PCDHA4: variants seen among roughly 807,000 people sequenced by gnomAD.
PCDHA4 encodes the protein protocadherin alpha-4.
In PCDHA4, 49 loss-of-function variants were observed where a neutral mutation model predicts 61.4. The observed-to-expected ratio is 0.80, with a 90% CI of 0.63 to 1.01. PCDHA4 has a LOEUF of 1.01. Among genes scored for constraint, PCDHA4 ranks in the 50% least tolerant of loss-of-function variants. The pLI is 0.00. For missense variants in PCDHA4, 1,254 were observed against 1,235.8 expected (o/e 1.01, Z -0.22); for synonymous variants, 590 against 550.3 (o/e 1.07, Z -1.01).
At chr5:140,828,675 T>C in intron 1 of PCDHA4, 13 of 1,614,212 alleles carry the variant, frequency 8.1e-6, no homozygotes, top group Non-Finnish European at 9.3e-6. Flanking sequence ...ATTGGGCTCT[T>C]ATTAAAGAAA....
intron 1 of PCDHA4, among the ~76,000 whole-genome samples, chr5:140,932,387 T>C (rs1419863335): frequency 6.6e-6 from 1 of 151,960 alleles, no homozygotes; most frequent in Non-Finnish European, 1.5e-5. Context: ...AAGTTATACA[T>C]AGTTTCAACA....
intron 1 of PCDHA4, chr5:140,968,527 G>T: frequency 3.1e-6 from 5 of 1,614,142 alleles, no homozygotes; most frequent in Non-Finnish European, 4.2e-6. Flanking sequence ...CAACCAACTC[G>T]TCAGCAGCCT....
chr5:140,886,158 C>A (rs888588847), intron 1 of PCDHA4, among the ~76,000 whole-genome samples: 2 of 152,142 alleles, frequency 1.3e-5, no homozygotes, highest in South Asian at 4.1e-4. Context: ...CTTTTTATAG[C>A]CACATCTGCT....
At position 140,970,091 on chromosome 5, in the gene PCDHA4, G is replaced by A. The variant is rs542039822; in HGVS notation, c.2386-8858G>A. ...AATGAGTGGATTAGGGGTGTGGGGG[G>A]ATGGTGAAGACCAAGAGAAGCTGGG... On this transcript the variant is annotated intron_variant, in intron 1 of 3. Coordinates refer to ENST00000530339, the MANE Select transcript of PCDHA4 (RefSeq NM_018907.4). 3.9e-4 allele frequency among the ~76,000 whole-genome samples: 59 copies of A among 152,258 alleles called. 1 individual carries two copies. Among genetic ancestry groups the A allele is most frequent in the Admixed American group, 1.1e-3 (17 of 15,292 alleles).
chr5:140,863,288 A>G, intron 1 of PCDHA4: 1 of 1,462,142 alleles, frequency 6.8e-7, no homozygotes, highest in South Asian at 1.1e-5. Context: ...GTCAACGTGT[A>G]CCTGATCATC....
rs201652283 is a variant in PCDHA4, at chr5:141,009,916, G to A, written c.2823G>A (p.Thr941=). The A allele has an allele frequency of 4.3e-6, 7 of 1,611,506 alleles. No homozygotes were observed. The highest frequency in any genetic ancestry group is 2.2e-5 in the East Asian group (1 of 44,862). ...TQEKKEKGNS[T]TDNSDQ is the part of the protein sequence containing the mutation. The stretch of plus-strand genomic sequence containing the variant: ...AGAAAAAAGAGAAAGGGAACAGCAC[G>A]ACTGACAACAGTGACCAGTGAGGTC... Residue 941 remains threonine (T), a synonymous_variant, in exon 4 of 4, where the codon ACG becomes ACA. Coordinates refer to ENST00000530339, the MANE Select transcript of PCDHA4 (RefSeq NM_018907.4).
intron 1 of PCDHA4, chr5:140,852,575 CTTT>C (rs1395261617): frequency 1.3e-6 from 1 of 799,030 alleles, no homozygotes. Context: ...TGTGCCAAGG[CTTT>C]TTTATTTTTT....
rs1554124867 is a variant in PCDHA4 at position 140,808,886 on chromosome 5, G to A, written c.1699G>A (p.Ala567Thr). 1 of 1,613,208 alleles carries A rather than the reference G, an allele frequency of 6.2e-7. No individual in the cohort carries two copies. Among genetic ancestry groups the A allele is most frequent in the Non-Finnish European group, 8.5e-7 (1 of 1,179,894 alleles). ...DENDNAPALLAPRAGGTGGAV... is the reference protein window; with the variant it reads ...DENDNAPALLTPRAGGTGGAV... ...AAACGACAACGCGCCAGCACTGCTA[G>A]CGCCTCGGGCGGGTGGCACTGGTGG... The change falls in exon 1 of 4, where the codon GCG becomes ACG. Residue 567 changes from alanine to threonine, a missense_variant. Ala to Thr is a moderately conservative substitution (Grantham distance 58, BLOSUM62 0). Coordinates refer to ENST00000530339, the MANE Select transcript of PCDHA4 (RefSeq NM_018907.4).
intron 1 of PCDHA4, among the ~76,000 whole-genome samples, chr5:140,955,118 G>C (rs2095139401): frequency 6.6e-6 from 1 of 152,058 alleles, no homozygotes; most frequent in African/African-American, 2.4e-5. Flanking sequence ...TCTCTATTCT[G>C]TTCCACTGGT....
chr5:140,942,310 C>T (rs782391809), intron 1 of PCDHA4, among the ~76,000 whole-genome samples: 14 of 151,402 alleles, frequency 9.2e-5, no homozygotes, highest in East Asian at 1.9e-4. Flanking sequence ...CTTGGGAGGT[C>T]GAGGCACAAG....
At position 140,993,462 on chromosome 5, in the gene PCDHA4, T is replaced by TCACACACACA. The variant is rs3836747; in HGVS notation, c.2533+10937_2533+10946dup. On this transcript the variant is annotated intron_variant, in intron 3 of 3. Coordinates refer to ENST00000530339, the MANE Select transcript of PCDHA4 (RefSeq NM_018907.4). Reference sequence around the variant, plus strand: ...CATTCCTGTTCTCCTTCTTTCTTTCTCACACACACACACACACACACACAC... The same window carrying TCACACACACA: ...CATTCCTGTTCTCCTTCTTTCTTTCTCACACACACACACACACACACACACACACACACAC... Among the ~76,000 whole-genome samples, 267 of 141,038 alleles carry TCACACACACA rather than the reference T, an allele frequency of 1.9e-3. 2 individuals are homozygous for TCACACACACA. The highest frequency in any genetic ancestry group is 2.7e-3 in the Non-Finnish European group (175 of 64,694). The allele number at this position is 141,038 out of a possible 152,430, so 92.5% of individuals were successfully genotyped here.
At chr5:140,928,204 G>A (rs1554205615) in intron 1 of PCDHA4, 4 of 1,614,236 alleles carry the variant, frequency 2.5e-6, no homozygotes, top group Middle Eastern at 1.6e-4. Flanking sequence ...AGTTGCTGAT[G>A]TGAATGACAA....
chr5:140,828,876 T>C (rs1554131616), intron 1 of PCDHA4: 4 of 1,614,116 alleles, frequency 2.5e-6, no homozygotes, highest in African/African-American at 2.7e-5. Flanking sequence ...ACAACAGTTA[T>C]CAGACTGAAT....
intron 1 of PCDHA4, chr5:140,863,088 C>T: frequency 1.7e-6 from 1 of 574,660 alleles, no homozygotes; most frequent in Non-Finnish European, 3.4e-6. Flanking sequence ...GCGAGATCAG[C>T]ACGACGAGTA....
In PCDHA4 at chr5:140,807,613, C is replaced by A. The variant is rs1384362568; in HGVS notation, c.426C>A (p.Ile142=). 1.2e-6 allele frequency: 2 copies of A among 1,614,064 alleles called. No individual in the cohort carries two copies. The highest frequency in any genetic ancestry group is 1.7e-5 in the Admixed American group (1 of 60,000). ...CAGCAACACAAAAGAACCTGTCCAT[C>A]GCGGAATCCAGGCCGCTTGACTCTC... ...VFPATQKNLS[I]AESRPLDSRF... is the part of the protein sequence containing the mutation. Residue 142 remains isoleucine, a synonymous_variant, in exon 1 of 4, where the codon ATC becomes ATA. Coordinates refer to ENST00000530339, the MANE Select transcript of PCDHA4 (RefSeq NM_018907.4).
intron 1 of PCDHA4, among the ~76,000 whole-genome samples, chr5:140,962,849 T>C (rs1434907172): frequency 6.6e-6 from 1 of 152,214 alleles, no homozygotes; most frequent in African/African-American, 2.4e-5. Context: ...ATATAACTTG[T>C]GCTCGGTTTG....
At chr5:140,993,434 AT>A (rs1243337816) in intron 3 of PCDHA4, among the ~76,000 whole-genome samples, 2 of 150,146 alleles carry the variant, frequency 1.3e-5, no homozygotes, top group Non-Finnish European at 3.0e-5. Flanking sequence ...TAAAATCCTT[AT>A]TCATTCCTGT....
intron 1 of PCDHA4, among the ~76,000 whole-genome samples, chr5:140,963,050 G>C (rs2095732681): frequency 2.6e-5 from 4 of 152,030 alleles, no homozygotes; most frequent in Admixed American, 2.6e-4. Flanking sequence ...AGTCTATAAG[G>C]GTTTCTACAT....
chr5:140,807,240 T>A lies in PCDHA4; in HGVS notation c.53T>A (p.Leu18His). The A allele has an allele frequency of 6.2e-7, 1 of 1,614,082 alleles. No individual in the cohort carries two copies. Among genetic ancestry groups the A allele is most frequent in the Non-Finnish European group, 8.5e-7 (1 of 1,179,986 alleles). ...GQESRRLLLL[L>H]LLLAAWEAGN... ...GAATCCCGGCGTCTGCTGCTCTTAC[T>A]TCTTCTCCTCGCAGCCTGGGAGGCA... Residue 18 changes from leucine to histidine, a missense_variant, in exon 1 of 4, where the codon CTT becomes CAT. Coordinates refer to ENST00000530339, the MANE Select transcript of PCDHA4 (RefSeq NM_018907.4).
Sources: allele counts gnomAD v4.1 joint callset (sites outside exome capture counted in the v4.1 genomes callset), GRCh38; gene constraint gnomAD v4.1.1; transcripts MANE v1.5; gene names NCBI Gene and HGNC (gene_info 2026-07-23, HGNC 2026-07-21).